MYO18A: variants seen among roughly 807,000 people sequenced by gnomAD.
MYO18A encodes the protein myosin XVIIIA.
A neutral mutation model predicts 235.8 loss-of-function variants in MYO18A; 78 were observed. That is an observed-to-expected ratio of 0.33 (90% CI 0.28 to 0.40). The LOEUF (loss-of-function observed/expected upper bound fraction) is 0.40. MYO18A is among the 10% of genes least tolerant of loss of function. The pLI is 1.00. For synonymous variants in MYO18A, 977 were observed against 1,077.8 expected, an observed-to-expected ratio of 0.91 and a Z score of 1.83; for missense variants, 2,215 against 2,699.3, an observed-to-expected ratio of 0.82 and a Z score of 3.98.
At chr17:29,088,464 A>G (rs890198148) in intron 37 of MYO18A, among the ~76,000 whole-genome samples, 1 of 151,924 alleles carries the variant, frequency 6.6e-6, no homozygotes, top group Non-Finnish European at 1.5e-5. Context: ...TATTAATGCC[A>G]TCTAGATGCC....
intron 1 of MYO18A, chr17:29,176,631 C>T (rs1402323459): frequency 6.6e-6 from 1 of 152,254 alleles, no homozygotes; most frequent in Non-Finnish European, 1.5e-5. Context: ...GCGCTCTGCC[C>T]CTCGCCAAGG....
intron 15 of MYO18A, among the ~76,000 whole-genome samples, chr17:29,112,972 G>A (rs1031576998): frequency 5.3e-5 from 8 of 152,164 alleles, no homozygotes; most frequent in African/African-American, 9.7e-5. Context: ...GGGTGCAGCC[G>A]CCCCATGCCA....
intron 1 of MYO18A, among the ~76,000 whole-genome samples, chr17:29,170,273 T>C (rs9899591): frequency 0.075 from 11,437 of 152,174 alleles, 577 homozygotes; most frequent in South Asian, 0.16. Context: ...CCTGCCACCA[T>C]AATCTTCACA....
chr17:29,118,526 C>A lies in MYO18A; in HGVS notation c.1830-86G>T. 1 of 1,236,692 alleles carries A rather than the reference C, an allele frequency of 8.1e-7. No individual in the cohort carries two copies. The highest frequency in any genetic ancestry group is 1.3e-5 in the South Asian group (1 of 74,154). The allele number at this position is 1,236,692 out of a possible 1,614,324, so 76.6% of individuals were successfully genotyped here. ...CCAGGGTGGAGACAGACAGACTCAG[C>A]TTCCAGACTCCAAGTTTTGTCTGCC... On this transcript the variant is annotated intron_variant, in intron 8 of 41. Coordinates refer to ENST00000527372, the MANE Select transcript of MYO18A (RefSeq NM_078471.4). This position sits in a 1 kb window ranked among gnomAD's most constrained non-coding sequence, Gnocchi z 4.2.
At chr17:29,134,120 G>A (rs1450278002) in intron 2 of MYO18A, among the ~76,000 whole-genome samples, 1 of 152,052 alleles carries the variant, frequency 6.6e-6, no homozygotes, top group Non-Finnish European at 1.5e-5. Flanking sequence ...TTTATTTTTT[G>A]AGATGCAGTC....
chr17:29,167,125 G>A (rs373955942), intron 1 of MYO18A, 104 bp from the exon 2 acceptor site: 3 of 783,344 alleles, frequency 3.8e-6, no homozygotes, highest in Non-Finnish European at 5.8e-6. Context: ...CTGGGTGCTA[G>A]CTATGTGCCA....
At chr17:29,098,541 T>G in intron 23 of MYO18A, 96 bp from the exon 24 acceptor site, 2 of 1,428,958 alleles carry the variant, frequency 1.4e-6, no homozygotes, top group South Asian at 1.2e-5. Flanking sequence ...CTGATGAAGC[T>G]TGGGCCAGGA....
chr17:29,083,868 TA>T (rs1273302718), intron 40 of MYO18A, among the ~76,000 whole-genome samples: 5 of 152,314 alleles, frequency 3.3e-5, no homozygotes, highest in African/African-American at 1.2e-4. Context: ...CCACCGTTCA[TA>T]ACCATATTGA....
intron 2 of MYO18A, 76 bp downstream of exon 2, chr17:29,165,866 C>A: frequency 7.3e-7 from 1 of 1,370,560 alleles, no homozygotes; most frequent in South Asian, 1.4e-5. Flanking sequence ...TCTTGGGTAC[C>A]CCGATTACCC....
chr17:29,109,782 CGCAGG>C lies in MYO18A; in HGVS notation c.3331+71_3331+75del, dbSNP rs2066881927. 6.6e-7 allele frequency: 1 copy of C among 1,505,778 alleles called. No homozygotes were observed. The highest frequency in any genetic ancestry group is 9.0e-7 in the Non-Finnish European group (1 of 1,115,400). 93.3% of individuals were successfully genotyped at this position (1,505,778 alleles called of 1,614,324 possible). ...AGCAGCCCCACTGCAGCCCACGGGTCGCAGGTGGGAGGTGGGGCCGGGCAGGGCCA... is the reference window on the plus strand; with the variant it reads ...AGCAGCCCCACTGCAGCCCACGGGTCTGGGAGGTGGGGCCGGGCAGGGCCA... On this transcript the variant is annotated intron_variant, in intron 19 of 41. Transcript: ENST00000527372. This position sits in a 1 kb window ranked among gnomAD's most constrained non-coding sequence, Gnocchi z 4.1.
chr17:29,145,274 G>A (rs568748348), intron 2 of MYO18A, among the ~76,000 whole-genome samples: 128 of 152,300 alleles, frequency 8.4e-4, no homozygotes, highest in African/African-American at 3.0e-3. Flanking sequence ...AACGGTGCAC[G>A]CACAATAAAC....
rs1277527163 is a variant in MYO18A at position 29,110,642 on chromosome 17, A to G, written c.2901-20T>C. The G allele has an allele frequency of 3.1e-6, 5 of 1,592,072 alleles. No homozygotes were observed. Among genetic ancestry groups the G allele is most frequent in the Non-Finnish European group, 4.3e-6 (5 of 1,166,228 alleles). On this transcript the variant is annotated intron_variant, in intron 17 of 41. Transcript: ENST00000527372. ...ATTTTTCTGCCAGAGGTGGGAGGAT[A>G]AGGGAGGAAAAGCAGTCACATCGAT...
chr17:29,079,765 A>G (rs1370463870), intron 41 of MYO18A: 2 of 985,978 alleles, frequency 2.0e-6, no homozygotes, highest in Non-Finnish European at 2.4e-6. Context: ...GTACCGCATC[A>G]TCAGGCTGTC....
intron 38 of MYO18A, 90 bp downstream of exon 38, chr17:29,086,846 C>A (rs758707096): frequency 4.8e-5 from 69 of 1,422,748 alleles, no homozygotes; most frequent in Non-Finnish European, 6.2e-5. Flanking sequence ...TTCTTTGCAC[C>A]CTATCCTCAA....
Position 29,091,623 on chromosome 17 carries a change from TACTC to T in MYO18A, c.5188-701_5188-698del, listed in dbSNP as rs546067943. The T allele has an allele frequency of 1.0e-3, 469 of 455,174 alleles. 1 individual carries two copies. The highest frequency in any genetic ancestry group is 8.2e-3 in the African/African-American group (411 of 50,170). 28.2% of individuals were successfully genotyped at this position (455,174 alleles called of 1,614,324 possible). The stretch of plus-strand genomic sequence containing the variant: ...TTTAACACAATTAAGGAATTTGAAT[TACTC>T]ACCTGAGAACTGCTGAGGAGCACAA... On this transcript the variant is annotated intron_variant, in intron 34 of 41. Transcript: ENST00000527372.
chr17:29,164,528 C>G (rs1331991780), intron 2 of MYO18A, among the ~76,000 whole-genome samples: 4 of 152,176 alleles, frequency 2.6e-5, no homozygotes, highest in African/African-American at 7.2e-5. Context: ...TGGGAGAAAG[C>G]TGGGACCGGG....
intron 40 of MYO18A, among the ~76,000 whole-genome samples, chr17:29,082,720 A>G (rs7208383): frequency 0.42 from 63,730 of 151,758 alleles, 14,660 homozygotes; most frequent in East Asian, 0.84. Flanking sequence ...CTGACCAATC[A>G]AGGGAGAATG....
intron 2 of MYO18A, among the ~76,000 whole-genome samples, chr17:29,136,756 G>A (rs1416543112): frequency 2.0e-5 from 3 of 152,200 alleles, no homozygotes; most frequent in Non-Finnish European, 4.4e-5. Context: ...CACCTTTTCT[G>A]GTATGTTAGG....
chr17:29,084,632 A>G (rs147369646), intron 40 of MYO18A, among the ~76,000 whole-genome samples: 23 of 152,258 alleles, frequency 1.5e-4, no homozygotes, highest in African/African-American at 5.5e-4. Flanking sequence ...GGCGGGGGAT[A>G]TTAATTGTGT....
Sources: gnomAD v4.1 joint callset for allele counts (sites outside exome capture counted in the v4.1 genomes callset) on GRCh38, gnomAD v4.1.1 for gene constraint, Gnocchi (gnomAD v3.1) non-coding constraint, MANE v1.5 for transcripts, NCBI Gene and HGNC (gene_info 2026-07-23, HGNC 2026-07-21) for gene names.